TCF12: variants seen among roughly 807,000 people sequenced by gnomAD.
The protein encoded by TCF12 is transcription factor 12.
A neutral mutation model predicts 86.0 loss-of-function variants in TCF12; 45 were observed. The observed-to-expected ratio is 0.52, with a 90% CI of 0.41 to 0.67. The LOEUF (loss-of-function observed/expected upper bound fraction) is 0.67. Ranked by LOEUF, TCF12 falls within the 30% of genes least tolerant of loss-of-function variation. The pLI is 0.00. For missense variants in TCF12, 881 were observed against 859.9 expected (o/e 1.02, Z -0.31); for synonymous variants, 330 against 299.6 (o/e 1.10, Z -1.05).
intron 16 of TCF12, 73 bp from the exon 17 acceptor site, chr15:57,262,020 TA>T: frequency 3.1e-6 from 3 of 958,036 alleles, no homozygotes; most frequent in Non-Finnish European, 4.7e-6. Flanking sequence ...TTAAACCTAG[TA>T]AAATAATTTG....
At chr15:57,282,043 T>G (rs1307346192) in intron 19 of TCF12, 1 of 238,694 alleles carries the variant, frequency 4.2e-6, no homozygotes, top group Admixed American at 5.3e-5. Flanking sequence ...CTGGTAACAT[T>G]TTAGATAAAG....
intron 3 of TCF12, among the ~76,000 whole-genome samples, chr15:56,990,151 CTTTTTTTTT>C (rs372235874): frequency 1.4e-4 from 13 of 92,716 alleles, no homozygotes; most frequent in African/African-American, 4.6e-4. Flanking sequence ...ATAGTCTTGT[CTTTTTTTTT>C]TTTTTTTTTT....
chr15:57,251,486 C>T (rs1366903811), intron 14 of TCF12, 63 bp downstream of exon 14: 10 of 1,501,186 alleles, frequency 6.7e-6, no homozygotes, highest in Non-Finnish European at 8.3e-6. Context: ...TTTGGTCAAT[C>T]TGGCATAACA....
chr15:57,247,092 T>C (rs574875389), intron 13 of TCF12: 2 of 575,592 alleles, frequency 3.5e-6, no homozygotes, highest in East Asian at 8.1e-5. Context: ...GAACTCATTA[T>C]AGTTCCCACC....
chr15:57,092,120 T>C (rs2049029389), intron 5 of TCF12: 1 of 385,316 alleles, frequency 2.6e-6, no homozygotes, highest in Non-Finnish European at 4.7e-6. Context: ...GAAGTGGCAG[T>C]GTTTTGATTG....
At chr15:57,076,018 A>G (rs1278688285) in intron 4 of TCF12, among the ~76,000 whole-genome samples, 6 of 151,092 alleles carry the variant, frequency 4.0e-5, no homozygotes, top group African/African-American at 1.5e-4. Flanking sequence ...CTGTGCTACC[A>G]TATCTGGCTA....
At chr15:57,182,198 A>C (rs1203019886) in intron 6 of TCF12, among the ~76,000 whole-genome samples, 3 of 152,184 alleles carry the variant, frequency 2.0e-5, no homozygotes, top group African/African-American at 4.8e-5. Flanking sequence ...GAAGACAGAA[A>C]AATCAATAAT....
chr15:57,141,809 A>G (rs929935972), intron 5 of TCF12, among the ~76,000 whole-genome samples: 5 of 152,164 alleles, frequency 3.3e-5, no homozygotes, highest in Non-Finnish European at 7.3e-5. Context: ...ATCTCCCTTA[A>G]TTTGCAGTGG....
At position 57,097,037 on chromosome 15, in the gene TCF12, G is replaced by A. The variant is rs2049373367; in HGVS notation, c.325+5146G>A. On this transcript the variant is annotated intron_variant, in intron 5 of 20. Coordinates refer to ENST00000333725, the MANE Select transcript of TCF12 (RefSeq NM_207037.2). ...TTCATTGTAGATTGCATAGGTTTCA[G>A]TGGATTTGTCTGGGAATTTAAGCCC... Among the ~76,000 whole-genome samples, 2 of 152,240 alleles carry A rather than the reference G, an allele frequency of 1.3e-5. 1 individual carries two copies. The highest frequency in any genetic ancestry group is 4.1e-4 in the South Asian group (2 of 4,824).
At chr15:57,100,425 T>A (rs1423820060) in intron 5 of TCF12, among the ~76,000 whole-genome samples, 1 of 139,260 alleles carries the variant, frequency 7.2e-6, no homozygotes, top group African/African-American at 2.8e-5. Context: ...CACTTCCTCT[T>A]TTTTTTTTTT....
At chr15:57,017,921 A>G (rs917080248) in intron 3 of TCF12, among the ~76,000 whole-genome samples, 11 of 152,160 alleles carry the variant, frequency 7.2e-5, no homozygotes, top group African/African-American at 2.7e-4. Flanking sequence ...GAAAGAAGGC[A>G]AGGGACACCA....
At chr15:56,947,145 T>G (rs1254318496) in intron 3 of TCF12, among the ~76,000 whole-genome samples, 1 of 152,180 alleles carries the variant, frequency 6.6e-6, no homozygotes, top group Non-Finnish European at 1.5e-5. Flanking sequence ...TTGCTAAGCA[T>G]TCTGAGGTCT....
intron 3 of TCF12, among the ~76,000 whole-genome samples, chr15:57,018,871 G>A (rs936826701): frequency 1.3e-4 from 20 of 152,130 alleles, no homozygotes; most frequent in African/African-American, 4.8e-4. Context: ...GATGAGCCAC[G>A]CTAACTACTG....
chr15:57,141,102 C>G (rs1308793942), intron 5 of TCF12, among the ~76,000 whole-genome samples: 1 of 152,118 alleles, frequency 6.6e-6, no homozygotes, highest in Non-Finnish European at 1.5e-5. Context: ...GACAGCCGGT[C>G]CTTCAGATAT....
intron 3 of TCF12, among the ~76,000 whole-genome samples, chr15:56,985,432 C>G (rs1346637966): frequency 3.9e-5 from 6 of 152,178 alleles, no homozygotes; most frequent in African/African-American, 1.4e-4. Context: ...TTAGTTACTT[C>G]CCTCGGGCCT....
rs114408507 is a variant in TCF12 at position 57,197,620 on chromosome 15, A to T, written c.527-153A>T. Among the ~76,000 whole-genome samples, 497 of 152,332 alleles carry T rather than the reference A, an allele frequency of 3.3e-3. 2 individuals carry two copies. The highest frequency in any genetic ancestry group is 0.012 in the African/African-American group (479 of 41,570). On this transcript the variant is annotated intron_variant, in intron 7 of 20. Coordinates refer to ENST00000333725, the MANE Select transcript of TCF12 (RefSeq NM_207037.2). ...CCTGTTTTTCACTGGGACTAGTTAAAAGGAATGAAGCCCTCATTACTGTAT... is the reference window on the plus strand; with the variant it reads ...CCTGTTTTTCACTGGGACTAGTTAATAGGAATGAAGCCCTCATTACTGTAT...
intron 11 of TCF12, 129 bp from the exon 12 acceptor site, chr15:57,233,914 A>C: frequency 4.3e-6 from 3 of 700,462 alleles, no homozygotes; most frequent in East Asian, 2.8e-5. Flanking sequence ...CAACACATGT[A>C]GAGTATTTCC....
At chr15:57,036,261 G>C (rs28384214) in intron 3 of TCF12, among the ~76,000 whole-genome samples, 1 of 149,898 alleles carries the variant, frequency 6.7e-6, no homozygotes, top group African/African-American at 2.5e-5. Context: ...AAGGTTTTTT[G>C]TTTTTTTTTC....
intron 3 of TCF12, among the ~76,000 whole-genome samples, chr15:56,960,132 C>A (rs1483281272): frequency 6.6e-6 from 1 of 152,108 alleles, no homozygotes; most frequent in African/African-American, 2.4e-5. Flanking sequence ...TATTTGTATT[C>A]TGACTTAGCT....
Sources: allele counts gnomAD v4.1 joint callset (sites outside exome capture counted in the v4.1 genomes callset), GRCh38; gene constraint gnomAD v4.1.1; transcripts MANE v1.5; gene names NCBI Gene and HGNC (gene_info 2026-07-23, HGNC 2026-07-21).